The following FAM13A variants were observed in gnomAD, a reference collection of about 807,000 sequenced individuals.
FAM13A encodes the protein protein FAM13A.
A neutral mutation model predicts 129.6 loss-of-function variants in FAM13A; 76 were observed. That is an observed-to-expected ratio of 0.59 (90% CI 0.49 to 0.71). The LOEUF (loss-of-function observed/expected upper bound fraction) is 0.71, where lower values mean the gene tolerates loss of function less well. FAM13A is among the 30% of genes least tolerant of loss of function. FAM13A has a pLI of 0.00. For synonymous variants in FAM13A, 443 were observed against 449.9 expected (o/e 0.98, Z 0.20); for missense variants, 1,108 against 1,249.3 (o/e 0.89, Z 1.70).
intron 10 of FAM13A, among the ~76,000 whole-genome samples, chr4:88,782,020 A>G (rs866840833): frequency 1.3e-5 from 2 of 151,090 alleles, no homozygotes; most frequent in Admixed American, 1.3e-4. Context: ...TTAAAAAATT[A>G]AAAAAAAAGA....
At chr4:88,790,279 T>C (rs1724856367) in intron 9 of FAM13A, among the ~76,000 whole-genome samples, 1 of 152,128 alleles carries the variant, frequency 6.6e-6, no homozygotes, top group African/African-American at 2.4e-5. Context: ...CATTGCAAGA[T>C]GCCTCCCAAA....
In FAM13A at chr4:88,823,092, G is replaced by A. The variant is rs575322051; in HGVS notation, c.1008-18040C>T. 1.8e-5 allele frequency: 28 copies of A among 1,589,516 alleles called. No homozygotes were observed. In the Admixed American group the frequency reaches 2.7e-4, roughly 15 times the overall value. On this transcript the variant is annotated intron_variant, in intron 7 of 23. Transcript: ENST00000264344. The stretch of plus-strand genomic sequence containing the variant: ...TGTACAGTGAACGTCTTCTTACAGT[G>A]GCTAAGCTGGGTTGGGGGCATGAGG...
intron 5 of FAM13A, among the ~76,000 whole-genome samples, chr4:88,918,821 C>G (rs75595088): frequency 0.011 from 1,667 of 152,284 alleles, 36 homozygotes; most frequent in African/African-American, 0.037. Context: ...TCAGGGAAAC[C>G]ATTTTCAGCC....
chr4:88,733,484 G>A (rs1379918436), intron 21 of FAM13A, among the ~76,000 whole-genome samples: 1 of 152,162 alleles, frequency 6.6e-6, no homozygotes, highest in South Asian at 2.1e-4. Flanking sequence ...GTTTTAGTAA[G>A]AGTAATAACA....
rs1744213996 is a variant in FAM13A, at chr4:88,758,770, A to C, written c.1710T>G (p.Asp570Glu). The change falls in exon 14 of 24, where the codon GAT becomes GAG. Residue 570 changes from aspartate to glutamate, a missense_variant. Physicochemically the swap from Asp to Glu is conservative, Grantham distance 45. This residue lies in a region of FAM13A where 529 missense variants were observed against 621.2 expected (regional missense o/e 0.85). Transcript: ENST00000264344. ...CAACCCTACCTTCCCAGTTCTTTTCATCACACAATGCAGTCAGGTCCGACT... is the reference window on the plus strand; with the variant it reads ...CAACCCTACCTTCCCAGTTCTTTTCCTCACACAATGCAGTCAGGTCCGACT... ...VPQSDLTALC[D>E]EKNWEEPIPA... 6.2e-7 allele frequency: 1 copy of C among 1,613,334 alleles called. No homozygotes were observed. Among genetic ancestry groups the C allele is most frequent in the African/African-American group, 1.3e-5 (1 of 74,986 alleles).
intron 7 of FAM13A, among the ~76,000 whole-genome samples, chr4:88,838,166 T>G (rs1390706386): frequency 1.4e-5 from 2 of 141,044 alleles, no homozygotes; most frequent in East Asian, 4.4e-4. Flanking sequence ...TGAATTTCGG[T>G]ACCCAAGGGA....
chr4:89,045,613 C>G (rs2149169348), intron 1 of FAM13A, among the ~76,000 whole-genome samples: 1 of 152,202 alleles, frequency 6.6e-6, no homozygotes, highest in Admixed American at 6.5e-5. Context: ...TTTGCACAGC[C>G]AAGCAAAAAT....
chr4:89,021,533 C>G (rs976911644), intron 2 of FAM13A, among the ~76,000 whole-genome samples: 4 of 151,956 alleles, frequency 2.6e-5, no homozygotes, highest in African/African-American at 9.7e-5. Flanking sequence ...AGGCAGAGGA[C>G]AATGTGGGGT....
chr4:88,946,506 T>C (rs957574010), intron 4 of FAM13A, among the ~76,000 whole-genome samples: 1 of 150,054 alleles, frequency 6.7e-6, no homozygotes, highest in Non-Finnish European at 1.5e-5. Flanking sequence ...ATTCCTGGGA[T>C]GCCAGATGAT....
intron 4 of FAM13A, among the ~76,000 whole-genome samples, chr4:88,949,238 C>A (rs1003797847): frequency 6.6e-6 from 1 of 152,102 alleles, no homozygotes; most frequent in African/African-American, 2.4e-5. Flanking sequence ...TAATTTGTAA[C>A]CCCTTTTGGT....
intron 1 of FAM13A, among the ~76,000 whole-genome samples, chr4:89,030,740 C>G (rs978510473): frequency 1.3e-5 from 2 of 152,116 alleles, no homozygotes; most frequent in Non-Finnish European, 2.9e-5. Context: ...ATGTTCCTCT[C>G]CTTAATTTAC....
In FAM13A at chr4:89,020,522, C is replaced by G; in HGVS notation, c.365G>C (p.Arg122Thr). ...SAASLLKLFL[R>T]ELPDSLITSA... ...GGTGATCAGACTGTCAGGCAGCTCC[C>G]TCAGAAACAGCTTCAACAGACTGGC... Residue 122 changes from arginine (R) to threonine (T), a missense_variant, in exon 3 of 24, where the codon AGG (arginine) becomes ACG (threonine). Physicochemically the swap from Arg to Thr is moderately conservative, Grantham distance 71. This residue lies in a region of FAM13A where 566 missense variants were observed against 595.7 expected (regional missense o/e 0.95). Transcript: ENST00000264344. 6.2e-7 allele frequency: 1 copy of G among 1,614,094 alleles called. No homozygotes were observed. Among genetic ancestry groups the G allele is most frequent in the South Asian group, 1.1e-5 (1 of 91,082 alleles).
intron 21 of FAM13A, among the ~76,000 whole-genome samples, chr4:88,733,624 G>A (rs1159364142): frequency 6.6e-6 from 1 of 152,134 alleles, no homozygotes; most frequent in Non-Finnish European, 1.5e-5. Flanking sequence ...CCTGGATAAG[G>A]AAAACAGGGT....
intron 4 of FAM13A, among the ~76,000 whole-genome samples, chr4:88,975,072 A>C (rs967255359): frequency 2.6e-5 from 4 of 152,194 alleles, no homozygotes; most frequent in African/African-American, 7.2e-5. Flanking sequence ...AAATAAGTAA[A>C]TTAATGATAA....
chr4:89,041,137 CAGTTAGAA>C (rs1158531001), intron 1 of FAM13A, among the ~76,000 whole-genome samples: 1 of 152,136 alleles, frequency 6.6e-6, no homozygotes, highest in African/African-American at 2.4e-5. Flanking sequence ...TACAAACATA[CAGTTAGAA>C]AGAAGGAATA....
rs767428164 is a variant in FAM13A at position 88,728,300 on chromosome 4, T to A, written c.*233A>T. The A allele has an allele frequency of 1.0e-5, 6 of 572,934 alleles. No homozygotes were observed. In the East Asian group the frequency reaches 1.5e-4, roughly 14 times the overall value. The allele number at this position is 572,934 out of a possible 1,614,324, so 35.5% of individuals were successfully genotyped here. A position where few individuals can be genotyped will look rare whatever the true frequency, so the allele number is the denominator to read the frequency against. On this transcript the variant is annotated 3_prime_UTR_variant, in exon 24 of 24. Coordinates refer to ENST00000264344, the MANE Select transcript of FAM13A (RefSeq NM_014883.4). Reference sequence around the variant, plus strand: ...GTGCATGCGCGTGCGCATGTGCACATACTGCAGTCTTGACTTTCCAATTAC... The same window carrying A: ...GTGCATGCGCGTGCGCATGTGCACAAACTGCAGTCTTGACTTTCCAATTAC...
rs571700816 is a variant in FAM13A at position 88,975,576 on chromosome 4, C to A, written c.605+15397G>T. Among the ~76,000 whole-genome samples the A allele has an allele frequency of 3.3e-5, 5 of 152,276 alleles. No individual in the cohort carries two copies. The South Asian group carries it at 1.0e-3, about 32-fold the overall frequency. ...TTTCATTTTGAAGTCTTATAGACAG[C>A]AACCAAACTGCATTACTAAAATAAT... On this transcript the variant is annotated intron_variant, in intron 4 of 23. Coordinates refer to ENST00000264344, the MANE Select transcript of FAM13A (RefSeq NM_014883.4).
At chr4:89,038,756 G>A (rs1475651716) in intron 1 of FAM13A, among the ~76,000 whole-genome samples, 2 of 152,172 alleles carry the variant, frequency 1.3e-5, no homozygotes, top group African/African-American at 4.8e-5. Context: ...AATGTAGAAT[G>A]AATGACAATT....
At chr4:88,807,858 G>A (rs908926624) in intron 7 of FAM13A, among the ~76,000 whole-genome samples, 7 of 152,260 alleles carry the variant, frequency 4.6e-5, no homozygotes, top group African/African-American at 1.7e-4. Context: ...GCCTGCATTT[G>A]CACAAAGTAA....
Sources: gnomAD v4.1 joint callset for allele counts (sites outside exome capture counted in the v4.1 genomes callset) on GRCh38, gnomAD v4.1.1 for gene constraint, gnomAD v4.1.1 regional missense constraint, MANE v1.5 for transcripts, NCBI Gene and HGNC (gene_info 2026-07-23, HGNC 2026-07-21) for gene names.